The following DUSP22 variants were observed in gnomAD, a reference collection of about 807,000 sequenced individuals.
The protein encoded by DUSP22 is dual specificity phosphatase 22.
In DUSP22, 24 loss-of-function variants were observed where a neutral mutation model predicts 24.5. The ratio of observed to expected loss-of-function variants is 0.98; its 90% confidence interval spans 0.71 to 1.38. The LOEUF (loss-of-function observed/expected upper bound fraction) is 1.38, where lower values mean the gene tolerates loss of function less well. Ranked by LOEUF, DUSP22 falls within the 40% of genes most tolerant of loss-of-function variation. The pLI is 0.00. For missense variants in DUSP22, 330 were observed against 269.2 expected (o/e 1.23, Z -1.58); for synonymous variants, 160 against 106.4 (o/e 1.50, Z -3.10).
chr6:317,878 C>G (rs1445952734), intron 3 of DUSP22, among the ~76,000 whole-genome samples: 1 of 152,298 alleles, frequency 6.6e-6, no homozygotes, highest in East Asian at 1.9e-4. Context: ...GCATTTAGCC[C>G]CGTTCCAAAG....
chr6:305,393 CAT>C (rs1447512649), intron 2 of DUSP22, among the ~76,000 whole-genome samples: 7 of 152,428 alleles, frequency 4.6e-5, no homozygotes, highest in South Asian at 4.1e-4. Flanking sequence ...ATTTAGCAAT[CAT>C]GTGACTTATT....
chr6:309,209 G>A (rs924748448), intron 2 of DUSP22, among the ~76,000 whole-genome samples: 3 of 152,416 alleles, frequency 2.0e-5, no homozygotes, highest in East Asian at 1.9e-4. Flanking sequence ...CATAGCAGGT[G>A]GCTTTGAGGT....
At chr6:317,930 C>T (rs1415777548) in intron 3 of DUSP22, among the ~76,000 whole-genome samples, 1 of 152,302 alleles carries the variant, frequency 6.6e-6, no homozygotes, top group African/African-American at 2.4e-5. Context: ...CCTTGTGGCT[C>T]ATTAGGATGT....
chr6:294,753 G>A (rs1757248477), intron 1 of DUSP22, among the ~76,000 whole-genome samples: 1 of 152,300 alleles, frequency 6.6e-6, no homozygotes, highest in South Asian at 2.1e-4. Flanking sequence ...TGGCTGCTGT[G>A]TTGCACAACA....
At chr6:339,843 C>A (rs1759522042) in intron 4 of DUSP22, among the ~76,000 whole-genome samples, 2 of 152,274 alleles carry the variant, frequency 1.3e-5, no homozygotes, top group East Asian at 1.9e-4. Flanking sequence ...TTACGTTTTT[C>A]TTTTATTTTA....
intron 1 of DUSP22, among the ~76,000 whole-genome samples, chr6:298,398 C>T (rs1386561899): frequency 6.6e-6 from 1 of 152,308 alleles, no homozygotes; most frequent in Admixed American, 6.5e-5. Flanking sequence ...ACCCCCACCC[C>T]ACACATGGCC....
At chr6:317,217 T>C (rs910942589) in intron 3 of DUSP22, among the ~76,000 whole-genome samples, 38 of 152,410 alleles carry the variant, frequency 2.5e-4, no homozygotes, top group African/African-American at 8.7e-4. Context: ...CCCAGTCTGC[T>C]TGGACGGCCC....
At chr6:324,940 C>T (rs997711357) in intron 3 of DUSP22, among the ~76,000 whole-genome samples, 2 of 152,308 alleles carry the variant, frequency 1.3e-5, no homozygotes, top group South Asian at 2.1e-4. Flanking sequence ...TTCGTGCCTC[C>T]CTAAGGAGGG....
Position 347,683 on chromosome 6 carries a change from C to T in DUSP22, c.264-420C>T, listed in dbSNP as rs373581024. 1.7e-4 allele frequency among the ~76,000 whole-genome samples: 26 copies of T among 152,422 alleles called. No homozygotes were observed. The East Asian group carries it at 4.0e-3, about 24-fold the overall frequency. On this transcript the variant is annotated intron_variant, in intron 5 of 6. Coordinates refer to ENST00000419235, the MANE Select transcript of DUSP22 (RefSeq NM_001286555.3). The stretch of plus-strand genomic sequence containing the variant: ...TAGCCCTCATATAGCTGAGAAAACT[C>T]GACTTTTAAGGAACATGAAGCATTC...
At chr6:332,006 C>T (rs542397134) in intron 3 of DUSP22, among the ~76,000 whole-genome samples, 30 of 152,422 alleles carry the variant, frequency 2.0e-4, no homozygotes, top group African/African-American at 7.2e-4. Context: ...GCTCTCGTTT[C>T]GTGGTCACTG....
intron 1 of DUSP22, among the ~76,000 whole-genome samples, chr6:303,772 A>G (rs1290805346): frequency 6.6e-6 from 1 of 152,422 alleles, no homozygotes; most frequent in Admixed American, 6.5e-5. Context: ...TTTGCTTCCT[A>G]CTTCGCAAAT....
chr6:295,720 A>T (rs553639801), intron 1 of DUSP22, among the ~76,000 whole-genome samples: 1 of 152,022 alleles, frequency 6.6e-6, no homozygotes, highest in East Asian at 1.9e-4. Context: ...GAATCACCTC[A>T]GCCCGGGAAG....
chr6:318,886 A>T (rs879594626), intron 3 of DUSP22, among the ~76,000 whole-genome samples: 1 of 152,302 alleles, frequency 6.6e-6, no homozygotes, highest in Non-Finnish European at 1.5e-5. Context: ...GAAAAGGAAG[A>T]CGTCTGTGTG....
chr6:308,242 G>A (rs1366370375), intron 2 of DUSP22, among the ~76,000 whole-genome samples: 1 of 152,274 alleles, frequency 6.6e-6, no homozygotes, highest in Non-Finnish European at 1.5e-5. Context: ...TGCTCAGGAG[G>A]AGCTAGTTTG....
rs916744467 is a variant in DUSP22, at chr6:315,742, T to C, written c.138+3780T>C. Among the ~76,000 whole-genome samples the C allele has an allele frequency of 2.2e-4, 33 of 152,412 alleles. No individual in the cohort carries two copies. The South Asian group carries it at 3.7e-3, about 17-fold the overall frequency. ...CGTCCCTTTCCAGAAAGTTCTTCCC[T>C]TTGAAGACAAAGGGTTACTGATTTA... On this transcript the variant is annotated intron_variant, in intron 3 of 6. Transcript: ENST00000419235.
intron 1 of DUSP22, among the ~76,000 whole-genome samples, chr6:293,589 C>T (rs1034507579): frequency 5.9e-5 from 9 of 152,260 alleles, no homozygotes; most frequent in Admixed American, 3.9e-4. Context: ...TTTTCATGTC[C>T]CTCAGCACTG....
At chr6:326,760 T>G (rs1004389380) in intron 3 of DUSP22, among the ~76,000 whole-genome samples, 2 of 152,308 alleles carry the variant, frequency 1.3e-5, no homozygotes, top group African/African-American at 2.4e-5. Context: ...TAAAGTCCTG[T>G]GTTCAAGGGA....
At chr6:335,766 T>C (rs1453604723) in intron 4 of DUSP22, among the ~76,000 whole-genome samples, 1 of 152,304 alleles carries the variant, frequency 6.6e-6, no homozygotes, top group African/African-American at 2.4e-5. Context: ...TCAGACCAGC[T>C]GTGTTTCCAG....
intron 3 of DUSP22, among the ~76,000 whole-genome samples, chr6:312,966 ATTTTT>A (rs5873738): frequency 2.1e-5 from 3 of 142,564 alleles, no homozygotes; most frequent in South Asian, 2.2e-4. Flanking sequence ...TTAGCTCATA[ATTTTT>A]TTTTTTTTTT....
Sources: allele counts gnomAD v4.1 joint callset (sites outside exome capture counted in the v4.1 genomes callset), GRCh38; gene constraint gnomAD v4.1.1; transcripts MANE v1.5; gene names NCBI Gene and HGNC (gene_info 2026-07-23, HGNC 2026-07-21).